STX18: variants seen among roughly 807,000 people sequenced by gnomAD.
STX18 encodes syntaxin 18.
In STX18, 40 loss-of-function variants were observed where a neutral mutation model predicts 50.1. The observed-to-expected ratio is 0.80, with a 90% confidence interval of 0.62 to 1.04. STX18 has a LOEUF of 1.04. STX18 is among the 50% of genes least tolerant of loss of function. The probability of loss-of-function intolerance (pLI) is 0.00; values close to 1 mark genes in which losing one functional copy is unlikely to be tolerated. For synonymous variants in STX18, 158 were observed against 151.8 expected (o/e 1.04, Z -0.30); for missense variants, 410 against 415.8 (o/e 0.99, Z 0.12).
At chr4:4,462,818 C>A (rs187313600) in intron 2 of STX18, among the ~76,000 whole-genome samples, 24 of 152,292 alleles carry the variant, frequency 1.6e-4, no homozygotes, top group Non-Finnish European at 4.4e-5. Context: ...CTGGCACTGG[C>A]CCCTAGGGAA....
rs1054278497 is a variant in STX18, at chr4:4,530,997, C to A, written c.168+10800G>T. On this transcript the variant is annotated intron_variant, in intron 1 of 10. Transcript: ENST00000306200. ...TTCAGTTTTGTTTTTACAGTTAAAT[C>A]TTTAGTCCATCTAGAAATTTATTTT... Among the ~76,000 whole-genome samples the A allele has an allele frequency of 7.9e-5, 12 of 152,220 alleles. No homozygotes were observed. In the East Asian group the frequency reaches 2.3e-3, roughly 29 times the overall value.
Position 4,542,027 on chromosome 4 carries a change from C to G in STX18, c.-63G>C, listed in dbSNP as rs567705727. The G allele has an allele frequency of 1.6e-5, 24 of 1,470,904 alleles. No homozygotes were observed. The South Asian group carries it at 2.9e-4, about 18-fold the overall frequency. 91.1% of individuals were successfully genotyped at this position (1,470,904 alleles called of 1,614,324 possible). Reference sequence around the variant, plus strand: ...ACGTAAGCAGCCGGCGACCGCGGCGCGAACCCGGCCGCTGAAGGACTGGTC... The same window carrying G: ...ACGTAAGCAGCCGGCGACCGCGGCGGGAACCCGGCCGCTGAAGGACTGGTC... On this transcript the variant is annotated 5_prime_UTR_variant, in exon 1 of 11. Transcript: ENST00000306200.
At chr4:4,501,408 A>G (rs917933037) in intron 1 of STX18, among the ~76,000 whole-genome samples, 1 of 152,190 alleles carries the variant, frequency 6.6e-6, no homozygotes, top group Admixed American at 6.5e-5. Flanking sequence ...GAATGACTGC[A>G]TTTTAAAAAC....
intron 5 of STX18, among the ~76,000 whole-genome samples, chr4:4,443,215 A>G (rs1277414492): frequency 1.3e-5 from 2 of 152,376 alleles, no homozygotes; most frequent in East Asian, 3.9e-4. Flanking sequence ...AAAGTTATTA[A>G]TTATAGCAAT....
chr4:4,438,327 G>T, intron 6 of STX18, 67 bp downstream of exon 6: 1 of 1,221,608 alleles, frequency 8.2e-7, no homozygotes, highest in Non-Finnish European at 1.2e-6. Flanking sequence ...CTTCGTTCCT[G>T]TGCTGTACTC....
intron 1 of STX18, among the ~76,000 whole-genome samples, chr4:4,491,913 G>A (rs149141646): frequency 2.0e-5 from 3 of 152,154 alleles, no homozygotes; most frequent in African/African-American, 7.2e-5. Flanking sequence ...AAGAGATTCT[G>A]GTTTTGAAGT....
At chr4:4,484,502 G>C (rs1728615230) in intron 1 of STX18, among the ~76,000 whole-genome samples, 1 of 151,992 alleles carries the variant, frequency 6.6e-6, no homozygotes, top group Admixed American at 6.6e-5. Flanking sequence ...TTGCAATTCT[G>C]ATCATTATGC....
chr4:4,420,042 C>G lies in STX18; in HGVS notation c.1000G>C (p.Asp334His). The G allele has an allele frequency of 6.2e-7, 1 of 1,611,862 alleles. No individual in the cohort carries two copies. The highest frequency in any genetic ancestry group is 8.5e-7 in the Non-Finnish European group (1 of 1,178,992). Reference protein sequence around the residue: ...SFSLLFLDWYDS With the variant: ...SFSLLFLDWYHS ...GGCCCCCGTGGCCCTGGCTAGCTGTCGTACCAGTCGAGGAAGAGCAAGGAG... is the reference window on the plus strand; with the variant it reads ...GGCCCCCGTGGCCCTGGCTAGCTGTGGTACCAGTCGAGGAAGAGCAAGGAG... Residue 334 changes from aspartate (D) to histidine (H), a missense_variant, in exon 11 of 11, where the codon GAC (aspartate) becomes CAC (histidine). By Grantham distance (81) the Asp-to-His change is moderately conservative. Transcript: ENST00000306200. The surrounding 1 kb of genome is among the most constrained non-coding windows in gnomAD (Gnocchi z 4.3).
intron 2 of STX18, chr4:4,462,004 G>C: frequency 2.2e-6 from 1 of 456,176 alleles, no homozygotes; most frequent in South Asian, 1.5e-5. Context: ...CTGCGCAGTG[G>C]CACTAATGCC....
chr4:4,434,103 C>T (rs1057398699), intron 7 of STX18, among the ~76,000 whole-genome samples: 17 of 152,224 alleles, frequency 1.1e-4, no homozygotes, highest in African/African-American at 3.9e-4. Flanking sequence ...GGAGGCGTGC[C>T]GTGTGGTAGT....
At chr4:4,462,190 G>A (rs1431376576) in intron 2 of STX18, among the ~76,000 whole-genome samples, 1 of 152,106 alleles carries the variant, frequency 6.6e-6, no homozygotes, top group African/African-American at 2.4e-5. Context: ...CAGCTCTCTG[G>A]CAGGAAACAG....
At chr4:4,483,297 G>T (rs919192031) in intron 1 of STX18, among the ~76,000 whole-genome samples, 2 of 151,928 alleles carry the variant, frequency 1.3e-5, no homozygotes, top group Non-Finnish European at 2.9e-5. Context: ...ATGACACAAA[G>T]AACTCATGAT....
chr4:4,448,079 G>T (rs1028593040), intron 5 of STX18, among the ~76,000 whole-genome samples: 3 of 152,168 alleles, frequency 2.0e-5, no homozygotes, highest in Non-Finnish European at 4.4e-5. Context: ...CTAGGGTGGT[G>T]GCCAAAGGCT....
At chr4:4,474,875 T>C (rs1317228203) in intron 1 of STX18, among the ~76,000 whole-genome samples, 1 of 152,220 alleles carries the variant, frequency 6.6e-6, no homozygotes, top group East Asian at 1.9e-4. Context: ...TATAGAACTA[T>C]AAGATAATAA....
chr4:4,427,382 A>C (rs985981252), intron 7 of STX18, among the ~76,000 whole-genome samples: 1 of 152,230 alleles, frequency 6.6e-6, no homozygotes, highest in Non-Finnish European at 1.5e-5. Flanking sequence ...TATTTAAGAG[A>C]GTAAAACTTT....
At chr4:4,436,255 G>C (rs1725769774) in intron 6 of STX18, among the ~76,000 whole-genome samples, 1 of 152,198 alleles carries the variant, frequency 6.6e-6, no homozygotes, top group South Asian at 2.1e-4. Flanking sequence ...AGTGCATGCA[G>C]GCTTTTAGAA....
intron 1 of STX18, among the ~76,000 whole-genome samples, chr4:4,511,993 C>T (rs1730030280): frequency 6.6e-6 from 1 of 151,972 alleles, no homozygotes; most frequent in South Asian, 2.1e-4. Flanking sequence ...AGCAGCATTC[C>T]TGGCCTCTTT....
In STX18 at chr4:4,507,916, G is replaced by A. The variant is rs187316540; in HGVS notation, c.168+33881C>T. ...TTCTAGCCTAGAAAGGAAGCATTCC[G>A]TATTTACTGCCTGCTTACCACTGAT... On this transcript the variant is annotated intron_variant, in intron 1 of 10. Transcript: ENST00000306200. 8.1e-4 allele frequency: 406 copies of A among 500,948 alleles called. 2 individuals are homozygous for A. Among genetic ancestry groups the A allele is most frequent in the East Asian group, 3.8e-3 (117 of 30,668 alleles). 31.0% of individuals were successfully genotyped at this position (500,948 alleles called of 1,614,324 possible).
intron 1 of STX18, among the ~76,000 whole-genome samples, chr4:4,513,350 C>A (rs945017039): frequency 6.6e-6 from 1 of 152,132 alleles, no homozygotes; most frequent in Non-Finnish European, 1.5e-5. Context: ...TAGACTCAAG[C>A]GCCTGATTAC....
Sources: allele counts gnomAD v4.1 joint callset (sites outside exome capture counted in the v4.1 genomes callset), GRCh38; gene constraint gnomAD v4.1.1; non-coding constraint Gnocchi (gnomAD v3.1); transcripts MANE v1.5; gene names NCBI Gene and HGNC (gene_info 2026-07-23, HGNC 2026-07-21).